The following EGFLAM variants were observed in gnomAD, a reference collection of about 807,000 sequenced individuals.
EGFLAM encodes the protein pikachurin.
A neutral mutation model predicts 113.1 loss-of-function variants in EGFLAM; 79 were observed. That is an observed-to-expected ratio of 0.70 (90% CI 0.58 to 0.84). The LOEUF is 0.84. Ranked by LOEUF, EGFLAM falls within the 40% of genes least tolerant of loss-of-function variation. EGFLAM has a pLI of 0.00. For missense variants in EGFLAM, 1,265 were observed against 1,291.6 expected, an observed-to-expected ratio of 0.98 and a Z score of 0.32; for synonymous variants, 504 against 487.6, an observed-to-expected ratio of 1.03 and a Z score of -0.44.
At chr5:38,413,082 C>T (rs541634088) in intron 11 of EGFLAM, among the ~76,000 whole-genome samples, 1 of 152,124 alleles carries the variant, frequency 6.6e-6, no homozygotes, top group East Asian at 1.9e-4. Flanking sequence ...AGTACAGTGG[C>T]ATAATCATGG....
At chr5:38,430,132 C>T in intron 14 of EGFLAM, 1 of 220,660 alleles carries the variant, frequency 4.5e-6, no homozygotes, top group South Asian at 7.8e-5. Context: ...GGACCACCAC[C>T]AGTTTCCCAG....
chr5:38,362,648 A>G (rs963972994), intron 5 of EGFLAM, among the ~76,000 whole-genome samples: 1 of 152,228 alleles, frequency 6.6e-6, no homozygotes, highest in Admixed American at 6.5e-5. Flanking sequence ...TTCATATGAC[A>G]GGCGACAAGT....
At chr5:38,373,184 G>A (rs940479258) in intron 6 of EGFLAM, among the ~76,000 whole-genome samples, 3 of 152,040 alleles carry the variant, frequency 2.0e-5, no homozygotes, top group African/African-American at 7.3e-5. Flanking sequence ...CAGAAACACT[G>A]TGCTGGAGGA....
At chr5:38,315,699 T>C (rs1160034258) in intron 1 of EGFLAM, among the ~76,000 whole-genome samples, 1 of 152,172 alleles carries the variant, frequency 6.6e-6, no homozygotes, top group Non-Finnish European at 1.5e-5. Context: ...TGGGGGAAGT[T>C]ATTTAATCTC....
At chr5:38,329,368 A>G (rs895243352) in intron 1 of EGFLAM, among the ~76,000 whole-genome samples, 1 of 152,144 alleles carries the variant, frequency 6.6e-6, no homozygotes, top group African/African-American at 2.4e-5. Flanking sequence ...AAATTCAATT[A>G]TTTTCTATAA....
Position 38,438,286 on chromosome 5 carries a change from T to C in EGFLAM, c.2295T>C (p.Asn765=). The change falls in exon 17 of 22, where the codon AAT becomes AAC. Residue 765 remains asparagine, a synonymous_variant. Transcript: ENST00000322350. ...TTTTCTCTCTCAAGATCATCCTGAA[T>C]GACCGAACCATCCATGTGAAGCATG... The part of the protein sequence containing the change: ...FSGSIQKIIL[N]DRTIHVKHDF... 6.2e-7 allele frequency: 1 copy of C among 1,613,190 alleles called. No homozygotes were observed.
intron 5 of EGFLAM, among the ~76,000 whole-genome samples, chr5:38,362,532 A>G (rs1025343717): frequency 9.9e-5 from 15 of 151,410 alleles, no homozygotes; most frequent in Admixed American, 8.5e-4. Context: ...CTTTCTTTTC[A>G]AAAAAAAGTG....
intron 12 of EGFLAM, among the ~76,000 whole-genome samples, chr5:38,421,802 A>G (rs151325979): frequency 6.6e-6 from 1 of 152,204 alleles, no homozygotes; most frequent in East Asian, 1.9e-4. Context: ...AGGAGTGAAA[A>G]TGTGGAGAAG....
intron 1 of EGFLAM, among the ~76,000 whole-genome samples, chr5:38,316,429 T>C (rs776130112): frequency 6.6e-6 from 1 of 152,156 alleles, no homozygotes; most frequent in Non-Finnish European, 1.5e-5. Context: ...TACCTTGGAA[T>C]AGCTACTTAA....
intron 18 of EGFLAM, among the ~76,000 whole-genome samples, chr5:38,449,276 T>C (rs899638392): frequency 1.6e-4 from 24 of 152,286 alleles, no homozygotes; most frequent in African/African-American, 5.5e-4. Context: ...TTTGGTGGCT[T>C]TTCAGGGAAC....
At chr5:38,320,369 C>G (rs1738708210) in intron 1 of EGFLAM, among the ~76,000 whole-genome samples, 1 of 152,188 alleles carries the variant, frequency 6.6e-6, no homozygotes, top group African/African-American at 2.4e-5. Context: ...TAGTACAAGT[C>G]TTTCAGGTGA....
Position 38,464,023 on chromosome 5 carries a change from TTC to T in EGFLAM, c.*39_*40del, listed in dbSNP as rs1171830859. The T allele has an allele frequency of 1.9e-6, 3 of 1,613,364 alleles. No individual in the cohort carries two copies. The highest frequency in any genetic ancestry group is 1.7e-6 in the Non-Finnish European group (2 of 1,179,532). ...CTTGTCCAAGGGACAGAGCCTTCTA[TTC>T]TGAGAATCCCAGGGGCCCTCAGACC... is the stretch of plus-strand genomic sequence containing the variant. On this transcript the variant is annotated 3_prime_UTR_variant, in exon 22 of 22. Coordinates refer to ENST00000322350, the MANE Select transcript of EGFLAM (RefSeq NM_152403.4).
intron 17 of EGFLAM, among the ~76,000 whole-genome samples, chr5:38,441,599 C>CACACAT (rs1742535787): frequency 2.0e-5 from 3 of 151,698 alleles, no homozygotes; most frequent in African/African-American, 7.3e-5. Context: ...TTTGTACACA[C>CACACAT]ACACACACAC....
intron 6 of EGFLAM, among the ~76,000 whole-genome samples, chr5:38,389,711 A>G (rs1487868833): frequency 1.3e-5 from 2 of 151,856 alleles, no homozygotes; most frequent in East Asian, 1.9e-4. Context: ...TTTTGTTTCC[A>G]TTATTCTGGT....
Position 38,435,127 on chromosome 5 carries a change from C to T in EGFLAM, c.2167-10C>T. 1 of 1,611,044 alleles carries T rather than the reference C, an allele frequency of 6.2e-7. No individual in the cohort carries two copies. The highest frequency in any genetic ancestry group is 1.1e-5 in the South Asian group (1 of 91,016). ...AGTCATACAATGCTTTGTTTTTAATCTTTTGGCAGGGAGGCTTCACACAGA... is the reference window on the plus strand; with the variant it reads ...AGTCATACAATGCTTTGTTTTTAATTTTTTGGCAGGGAGGCTTCACACAGA... On this transcript the variant is annotated splice_polypyrimidine_tract_variant and intron_variant, in intron 15 of 21. Coordinates refer to ENST00000322350, the MANE Select transcript of EGFLAM (RefSeq NM_152403.4).
At chr5:38,411,171 T>G (rs1385319358) in intron 10 of EGFLAM, among the ~76,000 whole-genome samples, 2 of 152,212 alleles carry the variant, frequency 1.3e-5, no homozygotes, top group Admixed American at 1.3e-4. Flanking sequence ...GGCTCACACC[T>G]GTAATCCCAG....
chr5:38,303,885 C>G (rs558400507), intron 1 of EGFLAM, among the ~76,000 whole-genome samples: 1 of 152,180 alleles, frequency 6.6e-6, no homozygotes, highest in East Asian at 1.9e-4. Flanking sequence ...CCTGTAACCT[C>G]AGCACTTTGG....
intron 1 of EGFLAM, among the ~76,000 whole-genome samples, chr5:38,336,432 G>A (rs1739185819): frequency 6.6e-6 from 1 of 152,060 alleles, no homozygotes; most frequent in Admixed American, 6.5e-5. Flanking sequence ...AGATTAGCCG[G>A]GCATGGTGGC....
chr5:38,409,681 C>T (rs939611455), intron 10 of EGFLAM, among the ~76,000 whole-genome samples: 1 of 152,160 alleles, frequency 6.6e-6, no homozygotes, highest in African/African-American at 2.4e-5. Context: ...GGGGCCTTCT[C>T]ATCTCCCTTT....
Sources: allele counts gnomAD v4.1 joint callset (sites outside exome capture counted in the v4.1 genomes callset), GRCh38; gene constraint gnomAD v4.1.1; transcripts MANE v1.5; gene names NCBI Gene and HGNC (gene_info 2026-07-23, HGNC 2026-07-21).